Variants in TMPRSS9 observed in about 807,000 individuals in gnomAD.
TMPRSS9 encodes the protein transmembrane serine protease 9.
Under a neutral mutation model 111.4 loss-of-function variants are expected in TMPRSS9, and 113 were observed. That is an observed-to-expected ratio of 1.01 (90% CI 0.87 to 1.19). The LOEUF is 1.19. Among genes scored for constraint, TMPRSS9 ranks in the 50% most tolerant of loss-of-function variants. The pLI, the probability that TMPRSS9 is intolerant of heterozygous loss-of-function variation, is 0.00. For synonymous variants in TMPRSS9, 805 were observed against 659.1 expected (o/e 1.22, Z -3.39); for missense variants, 1,803 against 1,513.1 (o/e 1.19, Z -3.18).
chr19:2,404,858 G>A (rs1970935381), intron 6 of TMPRSS9, among the ~76,000 whole-genome samples: 1 of 151,138 alleles, frequency 6.6e-6, no homozygotes, highest in Non-Finnish European at 1.5e-5. Flanking sequence ...CTTGAACCCG[G>A]GAGGCAGAGC....
In TMPRSS9 at chr19:2,374,554, C is replaced by T. The variant is rs551789961; in HGVS notation, c.-26+14194C>T. On this transcript the variant is annotated intron_variant, in intron 1 of 17. Coordinates refer to the TMPRSS9 transcript ENST00000649857. Reference sequence around the variant, plus strand: ...GCGCCACTGCACTCCAGCCTGGAGACAGAGCGAGACTCCGTCTCAAAAAAA... The same window carrying T: ...GCGCCACTGCACTCCAGCCTGGAGATAGAGCGAGACTCCGTCTCAAAAAAA... Among the ~76,000 whole-genome samples the T allele has an allele frequency of 9.4e-4, 142 of 151,870 alleles. 1 individual carries two copies. The highest frequency in any genetic ancestry group is 3.3e-3 in the African/African-American group (136 of 41,422).
chr19:2,417,408 G>A (rs189884718), intron 12 of TMPRSS9, among the ~76,000 whole-genome samples: 2 of 151,366 alleles, frequency 1.3e-5, no homozygotes, highest in Admixed American at 6.6e-5. Flanking sequence ...AGAGGCTGCA[G>A]TGAGCTGAGA....
chr19:2,425,626 C>G, intron 17 of TMPRSS9, 133 bp downstream of exon 18: 1 of 1,372,668 alleles, frequency 7.3e-7, no homozygotes, highest in Non-Finnish European at 9.4e-7. Context: ...AGCAGGGAGC[C>G]TTTTTGGCTC....
At chr19:2,418,315 C>CTTTCCT (rs1449420255) in intron 13 of TMPRSS9, among the ~76,000 whole-genome samples, 177 bp downstream of exon 14, 4 of 36,638 alleles carry the variant, frequency 1.1e-4, no homozygotes, top group African/African-American at 9.4e-4. Flanking sequence ...CTTTCCCTCC[C>CTTTCCT]TCCCTCCCTC....
upstream of TMPRSS9, among the ~76,000 whole-genome samples, chr19:2,387,525 G>A (rs1348168703): frequency 2.2e-5 from 3 of 133,466 alleles, no homozygotes; most frequent in Non-Finnish European, 4.5e-5. Context: ...GAAAGGAAAG[G>A]AAGGGAAGGG....
exon 18 of TMPRSS9, chr19:2,426,114 ACT>A (rs781721117): frequency 7.0e-6 from 11 of 1,582,348 alleles, no homozygotes; most frequent in East Asian, 4.6e-5. Flanking sequence ...CCAGGCCGAG[ACT>A]CTACGTGAAA....
At chr19:2,403,791 A>G in intron 6 of TMPRSS9, among the ~76,000 whole-genome samples, 1 of 151,890 alleles carries the variant, frequency 6.6e-6, no homozygotes, top group East Asian at 1.9e-4. Context: ...CAGGAGATCG[A>G]GACCATCGTG....
intron 3 of TMPRSS9, 51 bp downstream of exon 4, chr19:2,398,913 T>C (rs1265007932): frequency 1.3e-6 from 2 of 1,530,064 alleles, no homozygotes; most frequent in Non-Finnish European, 1.7e-6. Context: ...CATCTGGGAG[T>C]TTCTGGAGGA....
In TMPRSS9 at chr19:2,418,331, C is replaced by T. The variant is rs778244103; in HGVS notation, c.2154+193C>T. On this transcript the variant is annotated intron_variant, in intron 13 of 17. Coordinates refer to ENST00000648592, the Ensembl canonical transcript of TMPRSS9. ...TTTCCCTCCCTCCCTCCCTCCCTCC[C>T]TTTCCTTCCCTCCCTTTCCCTCCCT... Among the ~76,000 whole-genome samples the T allele has an allele frequency of 8.6e-3, 383 of 44,454 alleles. 44 individuals carry two copies. The highest frequency in any genetic ancestry group is 0.038 in the African/African-American group (158 of 4,194). The allele number at this position is 44,454 out of a possible 152,430, so 29.2% of individuals were successfully genotyped here.
chr19:2,403,226 G>T, intron 6 of TMPRSS9, 31 bp downstream of exon 7: 1 of 1,557,570 alleles, frequency 6.4e-7, no homozygotes, highest in Non-Finnish European at 8.7e-7. Context: ...TGGTCTCTGG[G>T]CCCCTTCCCT....
chr19:2,412,669 A>G (rs2145365760), intron 9 of TMPRSS9, among the ~76,000 whole-genome samples: 1 of 152,196 alleles, frequency 6.6e-6, no homozygotes, highest in Non-Finnish European at 1.5e-5. Context: ...TTCCTCTGTC[A>G]GCCTCTCGTG....
chr19:2,402,699 T>C (rs1970876956), intron 5 of TMPRSS9, among the ~76,000 whole-genome samples: 1 of 151,892 alleles, frequency 6.6e-6, no homozygotes, highest in Non-Finnish European at 1.5e-5. Flanking sequence ...GATTGTGCCA[T>C]TGCACTCCAG....
intron 1 of TMPRSS9, among the ~76,000 whole-genome samples, chr19:2,368,780 T>TG (rs1431412224): frequency 4.8e-5 from 5 of 103,954 alleles, no homozygotes; most frequent in African/African-American, 1.6e-4. Flanking sequence ...CCCAGTTTTT[T>TG]TTTTTTTTTT....
chr19:2,408,568 A>G, exon 8 of TMPRSS9: 3 of 1,613,540 alleles, frequency 1.9e-6, no homozygotes, highest in East Asian at 2.2e-5. Flanking sequence ...GCTGCCACAC[A>G]CATCTTCCCA....
At chr19:2,371,969 C>G (rs1047497748) in intron 1 of TMPRSS9, among the ~76,000 whole-genome samples, 1 of 152,068 alleles carries the variant, frequency 6.6e-6, no homozygotes, top group Admixed American at 6.6e-5. Context: ...GGTGCGATCT[C>G]GGCTCACTGC....
intron 1 of TMPRSS9, among the ~76,000 whole-genome samples, chr19:2,371,339 A>T (rs942373578): frequency 4.6e-5 from 7 of 152,094 alleles, no homozygotes; most frequent in Admixed American, 3.9e-4. Context: ...ATGGTTCCTG[A>T]CAGATGAAGA....
In TMPRSS9 at chr19:2,374,727, C is replaced by T. The variant is rs71337100; in HGVS notation, c.-26+14367C>T. ...GGAGGAAGGTTTCTCCTCTGACCAC[C>T]GGCTGGCTCTGGCCCCTTACCCACG... On this transcript the variant is annotated intron_variant, in intron 1 of 17. Coordinates refer to the TMPRSS9 transcript ENST00000649857. 2.8e-4 allele frequency among the ~76,000 whole-genome samples: 43 copies of T among 152,178 alleles called. No homozygotes were observed. The South Asian group carries it at 7.5e-3, about 27-fold the overall frequency.
intron 9 of TMPRSS9, among the ~76,000 whole-genome samples, chr19:2,412,994 G>A (rs961410115): frequency 1.3e-5 from 2 of 152,102 alleles, no homozygotes; most frequent in African/African-American, 4.8e-5. Context: ...AGGAGTTCAA[G>A]ACCAGCCTGG....
At chr19:2,381,612 C>T (rs1185333654) in intron 1 of TMPRSS9, among the ~76,000 whole-genome samples, 1 of 151,818 alleles carries the variant, frequency 6.6e-6, no homozygotes, top group Non-Finnish European at 1.5e-5. Context: ...CCCTGCCTTG[C>T]TCCATGCCGC....
Sources: gnomAD v4.1 joint callset for allele counts (sites outside exome capture counted in the v4.1 genomes callset) on GRCh38, gnomAD v4.1.1 for gene constraint, MANE v1.5 for transcripts, NCBI Gene and HGNC (gene_info 2026-07-23, HGNC 2026-07-21) for gene names.